Variants in PMEPA1 observed in about 807,000 individuals in gnomAD.
The protein encoded by PMEPA1 is prostate transmembrane protein, androgen induced 1, also known as protein TMEPAI.
A neutral mutation model predicts 23.0 loss-of-function variants in PMEPA1; 11 were observed. That is an observed-to-expected ratio of 0.48 (90% confidence interval 0.30 to 0.79). The LOEUF is 0.79. Among genes scored for constraint, PMEPA1 ranks in the 30% least tolerant of loss-of-function variants. PMEPA1 has a pLI of 0.06. For missense variants in PMEPA1, 377 were observed against 390.9 expected, an observed-to-expected ratio of 0.96 and a Z score of 0.30; for synonymous variants, 204 against 166.4, an observed-to-expected ratio of 1.23 and a Z score of -1.74.
rs949724559 is a variant in PMEPA1, at chr20:57,652,095, G to C, written c.822C>G (p.Ile274Met). The change falls in exon 4 of 4, where the codon ATC (isoleucine) becomes ATG (methionine). Residue 274 changes from isoleucine (I) to methionine (M), a missense_variant. Ile to Met is a conservative substitution (Grantham distance 10). Transcript: ENST00000341744. This position sits in a 1 kb window ranked among gnomAD's most constrained non-coding sequence, Gnocchi z 6.1. ...THIAPLESAA[I>M]WSKEKDKQKG... The stretch of plus-strand genomic sequence containing the variant: ...TCTGTTTATCCTTCTCTTTGCTCCA[G>C]ATGGCTGCGCTCTCTAGGGGCGCGA... The C allele has an allele frequency of 1.3e-6, 2 of 1,553,586 alleles. No individual in the cohort carries two copies. Among genetic ancestry groups the C allele is most frequent in the Middle Eastern group, 1.7e-4 (1 of 5,912 alleles).
chr20:57,684,487 A>G (rs557885948), intron 1 of PMEPA1, among the ~76,000 whole-genome samples: 1 of 152,128 alleles, frequency 6.6e-6, no homozygotes, highest in Admixed American at 6.5e-5. Flanking sequence ...CCCACTGCAG[A>G]GTCTGAAGGA....
At chr20:57,657,981 C>G (rs1192063570) in intron 2 of PMEPA1, among the ~76,000 whole-genome samples, 2 of 152,210 alleles carry the variant, frequency 1.3e-5, no homozygotes, top group African/African-American at 4.8e-5. Flanking sequence ...GCTTCCTGCC[C>G]CACGTGGTTG....
At chr20:57,693,553 G>A (rs1433605961) in intron 1 of PMEPA1, among the ~76,000 whole-genome samples, 2 of 152,250 alleles carry the variant, frequency 1.3e-5, no homozygotes, top group African/African-American at 4.8e-5. Flanking sequence ...AAGGCCTGGG[G>A]CTGGGACACA....
chr20:57,673,088 C>T (rs190472686), intron 1 of PMEPA1, among the ~76,000 whole-genome samples: 23 of 150,502 alleles, frequency 1.5e-4, no homozygotes, highest in Non-Finnish European at 2.5e-4. Context: ...CCTGGGCCCC[C>T]GCCCCGACTT....
chr20:57,689,480 C>G (rs1330455617), intron 1 of PMEPA1, among the ~76,000 whole-genome samples: 1 of 152,190 alleles, frequency 6.6e-6, no homozygotes, highest in African/African-American at 2.4e-5. Context: ...GACACCACCC[C>G]GTTCCTCCTG....
chr20:57,671,864 T>G (rs994836258), intron 1 of PMEPA1, among the ~76,000 whole-genome samples: 10 of 152,236 alleles, frequency 6.6e-5, no homozygotes, highest in Admixed American at 2.0e-4. Flanking sequence ...CTCCAGGGAT[T>G]GCCAAACGCC....
At chr20:57,684,446 A>T (rs1466830111) in intron 1 of PMEPA1, among the ~76,000 whole-genome samples, 1 of 152,172 alleles carries the variant, frequency 6.6e-6, no homozygotes, top group African/African-American at 2.4e-5. Flanking sequence ...CTGCCTAAGA[A>T]GGAGGGGGGC....
intron 1 of PMEPA1, among the ~76,000 whole-genome samples, chr20:57,665,719 G>A (rs548493202): frequency 6.0e-4 from 91 of 152,176 alleles, no homozygotes; most frequent in Non-Finnish European, 5.7e-4. Context: ...TTAGCCAGGT[G>A]TTCCCTGACT....
chr20:57,660,235 G>C (rs901891395), intron 1 of PMEPA1, among the ~76,000 whole-genome samples: 1 of 151,904 alleles, frequency 6.6e-6, no homozygotes, highest in African/African-American at 2.4e-5. Context: ...GAAGCTTTGT[G>C]GAATTAAACA....
chr20:57,663,286 C>T (rs557202112), intron 1 of PMEPA1, among the ~76,000 whole-genome samples: 9 of 152,296 alleles, frequency 5.9e-5, no homozygotes, highest in African/African-American at 1.7e-4. Flanking sequence ...GCCGAGACTA[C>T]GGCTCAGGAG....
intron 1 of PMEPA1, among the ~76,000 whole-genome samples, chr20:57,697,729 T>A (rs2071959592): frequency 6.6e-6 from 1 of 152,194 alleles, no homozygotes; most frequent in Non-Finnish European, 1.5e-5. Flanking sequence ...GAGCCTAGAT[T>A]TATACGGACA....
intron 1 of PMEPA1, among the ~76,000 whole-genome samples, chr20:57,669,241 C>T (rs6099712): frequency 0.042 from 6,462 of 152,076 alleles, 480 homozygotes; most frequent in African/African-American, 0.15. Context: ...TGACTCACTG[C>T]AACCTCCACC....
At chr20:57,661,493 G>A (rs2071418339) in intron 1 of PMEPA1, among the ~76,000 whole-genome samples, 1 of 152,194 alleles carries the variant, frequency 6.6e-6, no homozygotes, top group African/African-American at 2.4e-5. Flanking sequence ...GACTCCCCAG[G>A]GCTCCCTGGC....
chr20:57,710,043 CCACCG>C (rs1568692743), upstream of PMEPA1: 1 of 1,000,580 alleles, frequency 1.0e-6, no homozygotes, highest in Admixed American at 6.0e-5. Flanking sequence ...CTGCCGGTTC[CCACCG>C]CGCGGGGGCC....
intron 1 of PMEPA1, among the ~76,000 whole-genome samples, chr20:57,676,110 C>T (rs374804729): frequency 1.3e-5 from 2 of 152,344 alleles, no homozygotes; most frequent in South Asian, 2.1e-4. Context: ...GGGAAGCTTC[C>T]GGAGGTGTCT....
rs1463186898 is a variant in PMEPA1, at chr20:57,709,910, A to G, written c.-328T>C. On this transcript the variant is annotated 5_prime_UTR_variant, in exon 1 of 4. Coordinates refer to ENST00000341744, the MANE Select transcript of PMEPA1 (RefSeq NM_020182.5). ...CTCTGCCGCTAGCTTTCCCCAGCCG[A>G]GCGCCTCCGCCGCCGCCGCCGCCGC... 9 of 1,007,732 alleles carry G rather than the reference A, an allele frequency of 8.9e-6. No individual in the cohort carries two copies. Among genetic ancestry groups the G allele is most frequent in the Non-Finnish European group, 1.1e-5 (9 of 848,482 alleles). 62.4% of individuals were successfully genotyped at this position (1,007,732 alleles called of 1,614,324 possible).
rs1156403231 is a variant in PMEPA1, at chr20:57,659,633, G to C, written c.174C>G (p.Ile58Met). 2 of 1,611,680 alleles carry C rather than the reference G, an allele frequency of 1.2e-6. No individual in the cohort carries two copies. Among genetic ancestry groups the C allele is most frequent in the South Asian group, 1.1e-5 (1 of 90,622 alleles). The change falls in exon 2 of 4, where the codon ATC becomes ATG. Residue 58 changes from isoleucine to methionine, a missense_variant. Physicochemically the swap from Ile to Met is conservative, Grantham distance 10. Around this residue, in one of 3 missense-constraint regions of PMEPA1, gnomAD observed 198 missense variants for 196.3 expected, o/e 1.01. Coordinates refer to ENST00000341744, the MANE Select transcript of PMEPA1 (RefSeq NM_020182.5). ...GCTTGTAGTGGCTCAGCAGGCACGT[G>C]ATCACCACCACCATCACCATCATCA... ...VVVMMVMVVV[I>M]TCLLSHYKLS... is the part of the protein sequence containing the mutation.
rs1054270382 is a variant in PMEPA1 at position 57,653,794 on chromosome 20, T to C, written c.265-708A>G. Among the ~76,000 whole-genome samples the C allele has an allele frequency of 5.3e-5, 8 of 152,344 alleles. No homozygotes were observed. In the Middle Eastern group the frequency reaches 0.01, roughly 194 times the overall value. ...CAGTTCCAGCGTCCCCTGCAGACCC[T>C]TGGAGACCAGCATCTGAAGGGCCTC... On this transcript the variant is annotated intron_variant, in intron 2 of 3. Transcript: ENST00000341744.
chr20:57,710,564 C>T, upstream of PMEPA1: 2 of 1,274,800 alleles, frequency 1.6e-6, no homozygotes, highest in Non-Finnish European at 2.2e-6. Context: ...CCAAGGAGGA[C>T]GACCAGGAAA....
Sources: gnomAD v4.1 joint callset for allele counts (sites outside exome capture counted in the v4.1 genomes callset) on GRCh38, gnomAD v4.1.1 for gene constraint, gnomAD v4.1.1 regional missense constraint, Gnocchi (gnomAD v3.1) non-coding constraint, MANE v1.5 for transcripts, NCBI Gene and HGNC (gene_info 2026-07-23, HGNC 2026-07-21) for gene names.